MTFR1: variants seen among roughly 807,000 people sequenced by gnomAD.
MTFR1 encodes the protein mitochondrial fission regulator 1.
A neutral mutation model predicts 38.8 loss-of-function variants in MTFR1; 28 were observed. The ratio of observed to expected loss-of-function variants is 0.72; its 90% confidence interval spans 0.53 to 0.99. The LOEUF (loss-of-function observed/expected upper bound fraction) is 0.99, where lower values mean the gene tolerates loss of function less well. MTFR1 is among the 50% of genes least tolerant of loss of function. MTFR1 has a pLI of 0.00. For missense variants in MTFR1, 358 were observed against 395.5 expected, an observed-to-expected ratio of 0.91 and a Z score of 0.81; for synonymous variants, 145 against 137.0, an observed-to-expected ratio of 1.06 and a Z score of -0.41.
intron 3 of MTFR1, among the ~76,000 whole-genome samples, chr8:65,731,046 G>A (rs755721135): frequency 6.6e-6 from 1 of 152,190 alleles, no homozygotes; most frequent in Non-Finnish European, 1.5e-5. Context: ...TACCTACCAT[G>A]TGCTGGTGCT....
intron 1 of MTFR1, among the ~76,000 whole-genome samples, chr8:65,648,341 C>G (rs1324682700): frequency 1.3e-5 from 2 of 151,956 alleles, no homozygotes; most frequent in African/African-American, 4.8e-5. Context: ...TTTGCAAGCA[C>G]TTTATATTCA....
At chr8:65,752,041 G>C (rs1324361217) in intron 3 of MTFR1, among the ~76,000 whole-genome samples, 1 of 152,116 alleles carries the variant, frequency 6.6e-6, no homozygotes, top group African/African-American at 2.4e-5. Flanking sequence ...TTTACAGTTT[G>C]CAAGAATACC....
At chr8:65,648,375 C>T (rs1809021070) in intron 1 of MTFR1, among the ~76,000 whole-genome samples, 1 of 151,988 alleles carries the variant, frequency 6.6e-6, no homozygotes, top group African/African-American at 2.4e-5. Flanking sequence ...CCATTTGTTA[C>T]ATTAAGTTGC....
At chr8:65,721,301 T>A (rs951163418) in intron 3 of MTFR1, among the ~76,000 whole-genome samples, 1 of 152,222 alleles carries the variant, frequency 6.6e-6, no homozygotes, top group Non-Finnish European at 1.5e-5. Context: ...AGTATTCCTA[T>A]CAAAGAAAGA....
chr8:65,649,069 C>T (rs199525490), intron 1 of MTFR1, among the ~76,000 whole-genome samples: 1 of 99,398 alleles, frequency 1.0e-5, no homozygotes. Flanking sequence ...ACAAATAAAA[C>T]AATACAGTAG....
At chr8:65,774,302 A>C (rs1001606582), downstream of MTFR1, among the ~76,000 whole-genome samples, 1 of 137,626 alleles carries the variant, frequency 7.3e-6, no homozygotes, top group African/African-American at 3.3e-5. Context: ...TTTTGTACTG[A>C]CATTTATAGT....
chr8:65,724,444 TATAA>T lies in MTFR1; in HGVS notation c.*48+4972_*48+4975del, dbSNP rs536182238. 2.4e-3 allele frequency: 1,718 copies of T among 715,156 alleles called. 3 individuals carry two copies. The highest frequency in any genetic ancestry group is 6.4e-3 in the Admixed American group (249 of 38,948). 44.3% of individuals were successfully genotyped at this position (715,156 alleles called of 1,614,324 possible). ...GTGCAAGGACTGGATTAACCATAAATATAAATAAATAAGCCAGAAATATAATTCT... is the reference window on the plus strand; with the variant it reads ...GTGCAAGGACTGGATTAACCATAAATATAAATAAGCCAGAAATATAATTCT... On this transcript the variant is annotated intron_variant, in intron 3 of 3. Coordinates refer to the MTFR1 transcript ENST00000521247.
At chr8:65,763,685 A>G (rs1441773968) in intron 3 of MTFR1, among the ~76,000 whole-genome samples, 1 of 152,238 alleles carries the variant, frequency 6.6e-6, no homozygotes, top group African/African-American at 2.4e-5. Flanking sequence ...TGAACATAGC[A>G]TAGCTCCTCA....
chr8:65,646,001 A>G (rs140346456), intron 1 of MTFR1, among the ~76,000 whole-genome samples: 391 of 152,324 alleles, frequency 2.6e-3, no homozygotes, highest in South Asian at 7.5e-3. Flanking sequence ...AGTTTGTACT[A>G]CCAGAATTTA....
intron 5 of MTFR1, among the ~76,000 whole-genome samples, chr8:65,705,479 A>G (rs1805757564): frequency 6.6e-6 from 1 of 152,236 alleles, no homozygotes; most frequent in Non-Finnish European, 1.5e-5. Flanking sequence ...ACTGGAATTC[A>G]TACAGTTGAA....
intron 1 of MTFR1, among the ~76,000 whole-genome samples, chr8:65,655,760 G>A (rs1033490294): frequency 2.6e-5 from 4 of 150,990 alleles, no homozygotes; most frequent in African/African-American, 9.8e-5. Flanking sequence ...GACCAGCCTG[G>A]CCAACATTGT....
intron 3 of MTFR1, chr8:65,689,664 G>C: frequency 1.1e-5 from 12 of 1,123,604 alleles, no homozygotes; most frequent in Non-Finnish European, 1.3e-5. Context: ...GTATTTCCAA[G>C]AATTTCTTAA....
Position 65,655,058 on chromosome 8 carries a change from T to G in MTFR1, c.-81+10274T>G, listed in dbSNP as rs531959846. The stretch of plus-strand genomic sequence containing the variant: ...TCCAGCCCAGGATCACTTAAGATAT[T>G]TGAATAGTGTTTTCAAAAGATTATT... On this transcript the variant is annotated intron_variant, in intron 1 of 7. Transcript: ENST00000262146. Among the ~76,000 whole-genome samples, 5 of 152,316 alleles carry G rather than the reference T, an allele frequency of 3.3e-5. No homozygotes were observed. In the East Asian group the frequency reaches 9.6e-4, roughly 29 times the overall value.
In MTFR1 at chr8:65,707,252, A is replaced by T. The variant is rs1454835728; in HGVS notation, c.760A>T (p.Lys254Ter). ...GAACAGTGTAAAACTTCGGTCAGTG[A>T]AGAGGTGAGGATACATTCACCTTCT... ...EMNSVKLRSVKRSEQDVKPKP... is the reference protein window; with the variant it reads ...EMNSVKLRSV The change falls in exon 6 of 8, where the codon AAG becomes TAG. Residue 254 changes from lysine (K) to a stop codon, truncating the protein, a stop_gained. Transcript: ENST00000262146. LOFTEE classifies it high-confidence loss of function. 6.2e-7 allele frequency: 1 copy of T among 1,613,798 alleles called. No individual in the cohort carries two copies. The highest frequency in any genetic ancestry group is 1.1e-5 in the South Asian group (1 of 90,994).
At chr8:65,656,988 G>T (rs1217683732) in intron 1 of MTFR1, among the ~76,000 whole-genome samples, 1 of 150,682 alleles carries the variant, frequency 6.6e-6, no homozygotes, top group African/African-American at 2.4e-5. Context: ...CTTTTTTTTA[G>T]TTCATAATCC....
At position 65,669,852 on chromosome 8, in the gene MTFR1, AT is replaced by A. The variant is rs2129051115; in HGVS notation, c.-80-18del. The A allele has an allele frequency of 1.1e-6, 1 of 885,230 alleles. No individual in the cohort carries two copies. The highest frequency in any genetic ancestry group is 2.4e-5 in the Admixed American group (1 of 42,524). 54.8% of individuals were successfully genotyped at this position (885,230 alleles called of 1,614,324 possible). ...TAAATAATAATGATTTCATTTTAGTATTTGCATTTTAAATTTTCAGTGTGTT... is the reference window on the plus strand; with the variant it reads ...TAAATAATAATGATTTCATTTTAGTATTGCATTTTAAATTTTCAGTGTGTT... On this transcript the variant is annotated intron_variant, in intron 1 of 7. Coordinates refer to ENST00000262146, the MANE Select transcript of MTFR1 (RefSeq NM_014637.4).
rs144930135 is a variant in MTFR1 at position 65,645,044 on chromosome 8, G to T, written c.-81+260G>T. ...GGAAGTCGGCTGACTTGCCCTGAAG[G>T]CTGAGACTCGCCCACCCGCCAATCT... is the stretch of plus-strand genomic sequence containing the variant. On this transcript the variant is annotated intron_variant, in intron 1 of 7. Transcript: ENST00000262146. Among the ~76,000 whole-genome samples, 743 of 152,294 alleles carry T rather than the reference G, an allele frequency of 4.9e-3. 1 individual carries two copies. Among genetic ancestry groups the T allele is most frequent in the Non-Finnish European group, 7.3e-3 (497 of 68,004 alleles).
intron 2 of MTFR1, among the ~76,000 whole-genome samples, chr8:65,679,940 G>A (rs1804825596): frequency 6.6e-6 from 1 of 152,062 alleles, no homozygotes; most frequent in Admixed American, 6.6e-5. Flanking sequence ...CTACTTACCA[G>A]TTTTCTAATC....
the MTFR1 span, among the ~76,000 whole-genome samples, chr8:65,776,909 G>A: frequency 6.6e-6 from 1 of 152,120 alleles, no homozygotes; most frequent in Non-Finnish European, 1.5e-5. Context: ...GAAAGATGAT[G>A]AAAGATATTC....
Sources: gnomAD v4.1 joint callset for allele counts (sites outside exome capture counted in the v4.1 genomes callset) on GRCh38, gnomAD v4.1.1 for gene constraint, MANE v1.5 for transcripts, NCBI Gene and HGNC (gene_info 2026-07-23, HGNC 2026-07-21) for gene names.